The following OXCT1 variants were observed in gnomAD, a reference collection of about 807,000 sequenced individuals.
OXCT1 encodes the protein succinyl-CoA:3-ketoacid coenzyme A transferase 1, mitochondrial.
A neutral mutation model predicts 69.6 loss-of-function variants in OXCT1; 27 were observed. The ratio of observed to expected loss-of-function variants is 0.39; its 90% CI spans 0.29 to 0.54. The LOEUF (loss-of-function observed/expected upper bound fraction) is 0.54. Ranked by LOEUF, OXCT1 falls within the 20% of genes least tolerant of loss-of-function variation. OXCT1 has a pLI of 0.72. For missense variants in OXCT1, 437 were observed against 650.2 expected, an observed-to-expected ratio of 0.67 and a Z score of 3.57; for synonymous variants, 202 against 217.8, an observed-to-expected ratio of 0.93 and a Z score of 0.64.
chr5:41,802,016 G>A (rs1456596329), intron 10 of OXCT1, among the ~76,000 whole-genome samples: 1 of 152,004 alleles, frequency 6.6e-6, no homozygotes, highest in East Asian at 1.9e-4. Context: ...AATGTTCAGA[G>A]CTATGTAAAT....
chr5:41,868,035 C>T (rs1355083417), intron 1 of OXCT1, among the ~76,000 whole-genome samples: 1 of 152,164 alleles, frequency 6.6e-6, no homozygotes, highest in Non-Finnish European at 1.5e-5. Context: ...AGGGCCCCAC[C>T]CAGGACCTAT....
At chr5:41,866,300 T>G (rs1198761684) in intron 1 of OXCT1, among the ~76,000 whole-genome samples, 1 of 152,236 alleles carries the variant, frequency 6.6e-6, no homozygotes, top group South Asian at 2.1e-4. Flanking sequence ...CAATTCATAC[T>G]GTAGCAAATT....
chr5:41,744,203 C>A (rs1404561214), intron 15 of OXCT1, among the ~76,000 whole-genome samples: 2 of 152,072 alleles, frequency 1.3e-5, no homozygotes, highest in Non-Finnish European at 2.9e-5. Flanking sequence ...AAGTTGGATT[C>A]CTAGGTATTT....
chr5:41,759,018 G>T (rs1265019969), intron 14 of OXCT1, among the ~76,000 whole-genome samples: 1 of 151,152 alleles, frequency 6.6e-6, no homozygotes, highest in Non-Finnish European at 1.5e-5. Context: ...TTAGATTTTT[G>T]GATTATTTTC....
At chr5:41,838,778 C>A in intron 7 of OXCT1, among the ~76,000 whole-genome samples, 1 of 152,088 alleles carries the variant, frequency 6.6e-6, no homozygotes, top group East Asian at 1.9e-4. Context: ...CACATGCCAC[C>A]ACGTCTGGCT....
At chr5:41,744,470 T>G (rs957640424) in intron 15 of OXCT1, among the ~76,000 whole-genome samples, 16 of 152,176 alleles carry the variant, frequency 1.1e-4, no homozygotes, top group Admixed American at 8.5e-4. Context: ...TTCTCCTGCC[T>G]GATTGCCCTG....
chr5:41,840,703 T>G (rs1249719333), intron 6 of OXCT1, among the ~76,000 whole-genome samples, 192 bp from the exon 7 acceptor site: 1 of 152,212 alleles, frequency 6.6e-6, no homozygotes, highest in African/African-American at 2.4e-5. Flanking sequence ...CATAACTACT[T>G]TATTCAATGT....
intron 15 of OXCT1, among the ~76,000 whole-genome samples, chr5:41,749,047 T>TA (rs913629508): frequency 6.6e-6 from 1 of 151,892 alleles, no homozygotes; most frequent in African/African-American, 2.4e-5. Context: ...CCCTACTCTA[T>TA]AAAAGAGAGC....
chr5:41,868,444 A>G (rs1323066962), intron 1 of OXCT1, among the ~76,000 whole-genome samples: 1 of 152,224 alleles, frequency 6.6e-6, no homozygotes, highest in African/African-American at 2.4e-5. Context: ...GTGAGGATTT[A>G]AAGTGCTAAA....
intron 13 of OXCT1, among the ~76,000 whole-genome samples, chr5:41,791,161 A>G (rs1019694515): frequency 2.0e-5 from 3 of 152,194 alleles, no homozygotes; most frequent in Admixed American, 6.5e-5. Flanking sequence ...CTGAGTCTCA[A>G]ACAATGAAAA....
chr5:41,774,443 G>T (rs537659240), intron 13 of OXCT1, among the ~76,000 whole-genome samples: 2 of 152,264 alleles, frequency 1.3e-5, no homozygotes, highest in African/African-American at 4.8e-5. Flanking sequence ...AGAAAAAGTT[G>T]ACTCTAGGGG....
intron 4 of OXCT1, among the ~76,000 whole-genome samples, chr5:41,850,811 G>A (rs1359446659): frequency 6.6e-6 from 1 of 152,140 alleles, no homozygotes; most frequent in African/African-American, 2.4e-5. Context: ...TCTTTCCGAT[G>A]GGTGACTCTT....
rs1742550787 is a variant in OXCT1, at chr5:41,730,290, C to T, written c.*1439G>A. ...TCTAAGAAGGGTCATTTTTTCCCCC[C>T]AGTACTGGGAAGGTATGCATTTAAC... On this transcript the variant is annotated 3_prime_UTR_variant, in exon 17 of 17. Transcript: ENST00000196371. The T allele has an allele frequency of 6.6e-6, 1 of 152,134 alleles. No homozygotes were observed. Among genetic ancestry groups the T allele is most frequent in the South Asian group, 2.1e-4 (1 of 4,822 alleles). 9.4% of individuals were successfully genotyped at this position (152,134 alleles called of 1,614,324 possible).
At chr5:41,819,550 A>C (rs1464002351) in intron 7 of OXCT1, among the ~76,000 whole-genome samples, 1 of 152,022 alleles carries the variant, frequency 6.6e-6, no homozygotes, top group Non-Finnish European at 1.5e-5. Context: ...TTGTATTTTT[A>C]GTAGAGACAG....
rs1236908398 is a variant in OXCT1 at position 41,730,916 on chromosome 5, T to TA, written c.*812dup. ...TTTTTAACTCTGCTGTCATTGCTAC[T>TA]AAGGATTCATGGTAAATTATCCCAC... On this transcript the variant is annotated 3_prime_UTR_variant, in exon 17 of 17. Coordinates refer to ENST00000196371, the MANE Select transcript of OXCT1 (RefSeq NM_000436.4). The TA allele has an allele frequency of 6.6e-6, 1 of 152,230 alleles. No individual in the cohort carries two copies. Among genetic ancestry groups the TA allele is most frequent in the Non-Finnish European group, 1.5e-5 (1 of 68,044 alleles). The allele number at this position is 152,230 out of a possible 1,614,324, so 9.4% of individuals were successfully genotyped here.
At chr5:41,834,502 A>G (rs1161851608) in intron 7 of OXCT1, among the ~76,000 whole-genome samples, 2 of 151,696 alleles carry the variant, frequency 1.3e-5, no homozygotes, top group Non-Finnish European at 2.9e-5. Context: ...AAAAAAAAAA[A>G]AACAAAACAG....
intron 15 of OXCT1, among the ~76,000 whole-genome samples, chr5:41,746,394 T>A (rs2112033652): frequency 6.6e-6 from 1 of 152,222 alleles, no homozygotes; most frequent in Non-Finnish European, 1.5e-5. Flanking sequence ...TGGAATTTTC[T>A]CTGGATCTGA....
rs2111981585 is a variant in OXCT1 at position 41,736,765 on chromosome 5, A to G, written c.1521+2625T>C. The stretch of plus-strand genomic sequence containing the variant: ...AGGATTTTACCTTTTTTTCTTTATG[A>G]GGCAACACTGGCCAATCATTCCCTT... On this transcript the variant is annotated intron_variant, in intron 16 of 16. Coordinates refer to ENST00000196371, the MANE Select transcript of OXCT1 (RefSeq NM_000436.4). Among the ~76,000 whole-genome samples the G allele has an allele frequency of 2.0e-5, 3 of 152,204 alleles. No homozygotes were observed. In the South Asian group the frequency reaches 6.2e-4, roughly 32 times the overall value.
At chr5:41,819,862 C>T (rs73078212) in intron 7 of OXCT1, among the ~76,000 whole-genome samples, 7,682 of 152,136 alleles carry the variant, frequency 0.05, 662 homozygotes, top group African/African-American at 0.17. Flanking sequence ...GGGAATCTTA[C>T]CCACATTTAC....
Sources: allele counts gnomAD v4.1 joint callset (sites outside exome capture counted in the v4.1 genomes callset), GRCh38; gene constraint gnomAD v4.1.1; transcripts MANE v1.5; gene names NCBI Gene and HGNC (gene_info 2026-07-23, HGNC 2026-07-21).